PTER: variants seen among roughly 807,000 people sequenced by gnomAD.
PTER encodes the protein N-acetyltaurine hydrolase.
Under a neutral mutation model 29.6 loss-of-function variants are expected in PTER, and 38 were observed. The observed-to-expected ratio is 1.28, with a 90% CI of 0.99 to 1.68. The LOEUF is 1.68. Among genes scored for constraint, PTER ranks in the 40% most tolerant of loss-of-function variants. PTER has a pLI of 0.00. For synonymous variants in PTER, 172 were observed against 154.5 expected, an observed-to-expected ratio of 1.11 and a Z score of -0.84; for missense variants, 482 against 427.8, an observed-to-expected ratio of 1.13 and a Z score of -1.12.
In PTER at chr10:16,497,165, C is replaced by T. The variant is rs569860264; in HGVS notation, c.699-7855C>T. Among the ~76,000 whole-genome samples, 3 of 152,228 alleles carry T rather than the reference C, an allele frequency of 2.0e-5. No homozygotes were observed. In the East Asian group the frequency reaches 5.8e-4, roughly 29 times the overall value. On this transcript the variant is annotated intron_variant, in intron 3 of 4. Transcript: ENST00000535784. ...GGCCAGGCTGGTCTCAAACTCCTAA[C>T]CTCAGGTAATCCACTCGACTTGGCC...
At chr10:16,494,559 A>G (rs1216266800) in intron 3 of PTER, among the ~76,000 whole-genome samples, 1 of 152,218 alleles carries the variant, frequency 6.6e-6, no homozygotes, top group African/African-American at 2.4e-5. Context: ...TGCAAAAAGA[A>G]TCCCATAAAA....
At chr10:16,473,467 C>T (rs1835129530) in intron 1 of PTER, among the ~76,000 whole-genome samples, 1 of 138,066 alleles carries the variant, frequency 7.2e-6, no homozygotes, top group African/African-American at 2.7e-5. Flanking sequence ...TTGCAGTGAG[C>T]CGAAATCGCA....
Position 16,452,301 on chromosome 10 carries a change from G to GT in PTER, c.-49+15267dup, listed in dbSNP as rs5783503. 8.0e-3 allele frequency among the ~76,000 whole-genome samples: 1,107 copies of GT among 137,754 alleles called. 19 individuals carry two copies. The highest frequency in any genetic ancestry group is 0.015 in the Middle Eastern group (4 of 260). 90.4% of individuals were successfully genotyped at this position (137,754 alleles called of 152,430 possible). A position where few individuals can be genotyped will look rare whatever the true frequency, so the allele number is the denominator to read the frequency against. On this transcript the variant is annotated intron_variant, in intron 1 of 4. Coordinates refer to ENST00000535784, the MANE Select transcript of PTER (RefSeq NM_001261836.2). ...GCCAAGCAGATTATTGACTTTTTTT[G>GT]TTTTTTTTTTTTTGAGATTGAGTCT...
intron 3 of PTER, among the ~76,000 whole-genome samples, chr10:16,488,603 GGAGAGAGAGA>G (rs35122897): frequency 1.5e-5 from 2 of 133,964 alleles, no homozygotes; most frequent in Admixed American, 1.5e-4. Context: ...ATATATATAT[GGAGAGAGAGA>G]GAGAGAGAGA....
At chr10:16,455,024 T>C (rs1477876448) in intron 1 of PTER, among the ~76,000 whole-genome samples, 3 of 151,440 alleles carry the variant, frequency 2.0e-5, no homozygotes, top group Non-Finnish European at 4.4e-5. Flanking sequence ...AGCCCAGGAG[T>C]TGAAGACCAG....
At chr10:16,442,370 G>A (rs1051051867) in intron 1 of PTER, among the ~76,000 whole-genome samples, 1 of 152,190 alleles carries the variant, frequency 6.6e-6, no homozygotes, top group African/African-American at 2.4e-5. Flanking sequence ...TAACAGTTTG[G>A]AGGACAGATA....
intron 3 of PTER, among the ~76,000 whole-genome samples, chr10:16,493,087 G>A (rs1835959390): frequency 6.6e-6 from 1 of 152,168 alleles, no homozygotes; most frequent in African/African-American, 2.4e-5. Context: ...GCTGTAGCCT[G>A]AAGAACAACC....
chr10:16,467,772 G>A (rs1032737397), intron 1 of PTER, among the ~76,000 whole-genome samples: 1 of 149,156 alleles, frequency 6.7e-6, no homozygotes, highest in Non-Finnish European at 1.5e-5. Context: ...TTGCACTCCA[G>A]CCTGGGTTAC....
chr10:16,479,137 G>A (rs985739481), intron 1 of PTER, among the ~76,000 whole-genome samples: 40 of 151,512 alleles, frequency 2.6e-4, no homozygotes, highest in African/African-American at 9.7e-4. Context: ...TTCCTCCAAC[G>A]ACAAGCTGCT....
chr10:16,455,929 TTTAAAAAGTG>T (rs1834378119), intron 1 of PTER, among the ~76,000 whole-genome samples: 1 of 152,346 alleles, frequency 6.6e-6, no homozygotes, highest in South Asian at 2.1e-4. Context: ...TGTGTTCCAA[TTTAAAAAGTG>T]TTATTACTTT....
chr10:16,477,293 TA>T lies in PTER; in HGVS notation c.-48-7043del, dbSNP rs60473847. Among the ~76,000 whole-genome samples the T allele has an allele frequency of 4.7e-3, 671 of 142,742 alleles. 6 individuals carry two copies. The highest frequency in any genetic ancestry group is 0.019 in the African/African-American group (642 of 33,928). 93.6% of individuals were successfully genotyped at this position (142,742 alleles called of 152,430 possible). Reference sequence around the variant, plus strand: ...ATAGATAGATAGATAGATAGATAGATAGATAGATGGATGTCTGTCTGTCTGC... The same window carrying T: ...ATAGATAGATAGATAGATAGATAGATGATAGATGGATGTCTGTCTGTCTGC... On this transcript the variant is annotated intron_variant, in intron 1 of 4. Coordinates refer to ENST00000535784, the MANE Select transcript of PTER (RefSeq NM_001261836.2).
intron 1 of PTER, among the ~76,000 whole-genome samples, chr10:16,446,764 TTTTGTTTG>T (rs370830532): frequency 5.9e-5 from 9 of 151,902 alleles, no homozygotes; most frequent in South Asian, 4.2e-4. Flanking sequence ...TGTAAGACAT[TTTTGTTTG>T]TTTGTTTGTT....
intron 1 of PTER, among the ~76,000 whole-genome samples, chr10:16,470,863 T>C (rs1835023007): frequency 6.6e-6 from 1 of 152,242 alleles, no homozygotes; most frequent in Admixed American, 6.5e-5. Flanking sequence ...TTACAATTTA[T>C]TGTTCTTGAT....
chr10:16,486,674 A>G lies in PTER; in HGVS notation c.698+57A>G, dbSNP rs577357931. On this transcript the variant is annotated intron_variant, in intron 3 of 4. Coordinates refer to ENST00000535784, the MANE Select transcript of PTER (RefSeq NM_001261836.2). ...CTGCCATATAATTAATGCATGATCAAATTAAGAATCTACAGTAATCAGTCA... is the reference window on the plus strand; with the variant it reads ...CTGCCATATAATTAATGCATGATCAGATTAAGAATCTACAGTAATCAGTCA... 779 of 1,528,028 alleles carry G rather than the reference A, an allele frequency of 5.1e-4. 6 individuals are homozygous for G. The South Asian group carries it at 7.6e-3, about 15-fold the overall frequency. The allele number at this position is 1,528,028 out of a possible 1,614,324, so 94.7% of individuals were successfully genotyped here.
At chr10:16,472,875 C>T (rs1835104691) in intron 1 of PTER, among the ~76,000 whole-genome samples, 1 of 152,116 alleles carries the variant, frequency 6.6e-6, no homozygotes, top group African/African-American at 2.4e-5. Context: ...CTTCTATTCT[C>T]TTCATTTCTA....
intron 3 of PTER, among the ~76,000 whole-genome samples, chr10:16,503,065 C>CTTTT (rs541383811): frequency 2.0e-4 from 14 of 69,428 alleles, no homozygotes; most frequent in African/African-American, 3.1e-4. Flanking sequence ...CATGATAGTG[C>CTTTT]TTTTTTTTTT....
chr10:16,484,620 C>A lies in PTER; in HGVS notation c.236C>A (p.Ala79Asp), dbSNP rs368682623. ...ENLQLNQETEAIKEELLYFKA... is the reference protein window; with the variant it reads ...ENLQLNQETEDIKEELLYFKA... ...CTTCAATTAAATCAGGAGACAGAAG[C>A]CATAAAGGAAGAACTGTTGTATTTT... The change falls in exon 2 of 5, where the codon GCC (alanine) becomes GAC (aspartate). Residue 79 changes from alanine (A) to aspartate (D), a missense_variant. Ala to Asp is a moderately radical substitution (Grantham distance 126, BLOSUM62 -2). Coordinates refer to ENST00000535784, the MANE Select transcript of PTER (RefSeq NM_001261836.2). 1.2e-6 allele frequency: 2 copies of A among 1,613,858 alleles called. No homozygotes were observed. Among genetic ancestry groups the A allele is most frequent in the African/African-American group, 1.3e-5 (1 of 74,886 alleles).
chr10:16,455,500 G>A (rs888040855), intron 1 of PTER, among the ~76,000 whole-genome samples: 4 of 152,086 alleles, frequency 2.6e-5, no homozygotes, highest in African/African-American at 7.2e-5. Context: ...AGACCAGCCT[G>A]GGCAACATAT....
Position 16,511,232 on chromosome 10 carries a change from T to C in PTER, c.1026T>C (p.Pro342=). The change falls in exon 5 of 5, where the codon CCT becomes CCC. Residue 342 remains proline (P), a synonymous_variant. Transcript: ENST00000535784. ...TTGATAAGATTCTAATAGAGAACCC[T>C]AAGCAATGGCTAACTTTCAAATAGG... The part of the protein sequence containing the change: ...NVLDKILIEN[P]KQWLTFK 6.2e-7 allele frequency: 1 copy of C among 1,614,038 alleles called. No homozygotes were observed. The highest frequency in any genetic ancestry group is 1.1e-5 in the South Asian group (1 of 91,082).
Sources: allele counts gnomAD v4.1 joint callset (sites outside exome capture counted in the v4.1 genomes callset), GRCh38; gene constraint gnomAD v4.1.1; transcripts MANE v1.5; gene names NCBI Gene and HGNC (gene_info 2026-07-23, HGNC 2026-07-21).